CDK19: variants seen among roughly 807,000 people sequenced by gnomAD.
CDK19 encodes cyclin dependent kinase 19.
Under a neutral mutation model 68.3 loss-of-function variants are expected in CDK19, and 20 were observed. The observed-to-expected ratio is 0.29, with a 90% confidence interval of 0.21 to 0.43. CDK19 has a LOEUF of 0.43. Among genes scored for constraint, CDK19 ranks in the 20% least tolerant of loss-of-function variants. The pLI is 1.00. For synonymous variants in CDK19, 221 were observed against 222.8 expected, an observed-to-expected ratio of 0.99 and a Z score of 0.07; for missense variants, 339 against 623.5, an observed-to-expected ratio of 0.54 and a Z score of 4.86.
chr6:110,626,232 G>A (rs1251415777), intron 8 of CDK19, among the ~76,000 whole-genome samples: 2 of 152,098 alleles, frequency 1.3e-5, no homozygotes, highest in African/African-American at 4.8e-5. Flanking sequence ...GCCTAAACCT[G>A]AACTATATAT....
At chr6:110,671,601 A>G (rs549157467) in intron 2 of CDK19, among the ~76,000 whole-genome samples, 4 of 152,356 alleles carry the variant, frequency 2.6e-5, no homozygotes, top group African/African-American at 9.6e-5. Context: ...CCAAAGTCAA[A>G]TAGCTAGAAA....
intron 4 of CDK19, chr6:110,645,838 G>C (rs555199243): frequency 8.2e-6 from 5 of 611,902 alleles, no homozygotes; most frequent in African/African-American, 1.8e-5. Flanking sequence ...GACGCGCCGC[G>C]CTTCCTCCTG....
chr6:110,796,235 G>A (rs1407698352), intron 1 of CDK19, among the ~76,000 whole-genome samples: 1 of 152,120 alleles, frequency 6.6e-6, no homozygotes, highest in African/African-American at 2.4e-5. Flanking sequence ...CTACTTGGGA[G>A]GCTGAGGGAG....
intron 2 of CDK19, among the ~76,000 whole-genome samples, chr6:110,679,618 A>T (rs1207150834): frequency 6.6e-6 from 1 of 152,196 alleles, no homozygotes; most frequent in African/African-American, 2.4e-5. Context: ...CTCTAAAAAC[A>T]TAAAAAATTT....
intron 1 of CDK19, among the ~76,000 whole-genome samples, chr6:110,782,889 A>G (rs1473169030): frequency 6.6e-6 from 1 of 152,046 alleles, no homozygotes; most frequent in Admixed American, 6.6e-5. Flanking sequence ...TTCCTCCACA[A>G]TTTTATACAT....
At chr6:110,626,527 A>G (rs369284435) in intron 8 of CDK19, among the ~76,000 whole-genome samples, 23 of 152,344 alleles carry the variant, frequency 1.5e-4, no homozygotes, top group African/African-American at 4.8e-4. Flanking sequence ...CTTGTAAAAG[A>G]GTAAAAGAGG....
At chr6:110,614,874 T>C (rs1027176172) in intron 12 of CDK19, among the ~76,000 whole-genome samples, 16 of 152,152 alleles carry the variant, frequency 1.1e-4, no homozygotes, top group Non-Finnish European at 2.9e-5. Flanking sequence ...CTGGCAGGCA[T>C]GAAATTTGGC....
intron 2 of CDK19, among the ~76,000 whole-genome samples, chr6:110,697,162 G>A (rs1338248791): frequency 1.3e-5 from 2 of 151,884 alleles, no homozygotes; most frequent in African/African-American, 2.4e-5. Flanking sequence ...CCCGGGAGGC[G>A]GAGGTTACAG....
At chr6:110,707,639 G>A (rs1379581262) in intron 2 of CDK19, among the ~76,000 whole-genome samples, 1 of 152,116 alleles carries the variant, frequency 6.6e-6, no homozygotes, top group Non-Finnish European at 1.5e-5. Context: ...TTTAACAGCT[G>A]CATAGTACTC....
At chr6:110,726,686 T>C (rs544275346) in intron 2 of CDK19, among the ~76,000 whole-genome samples, 7 of 152,250 alleles carry the variant, frequency 4.6e-5, no homozygotes, top group East Asian at 3.9e-4. Context: ...GTGGGAAAGA[T>C]AGATCACTAC....
chr6:110,642,000 T>C (rs1263368083), intron 4 of CDK19, among the ~76,000 whole-genome samples: 1 of 152,122 alleles, frequency 6.6e-6, no homozygotes, highest in East Asian at 1.9e-4. Flanking sequence ...GGGAATAAAA[T>C]ACCAGATTAA....
intron 1 of CDK19, among the ~76,000 whole-genome samples, chr6:110,762,455 G>C (rs1299004565): frequency 6.6e-6 from 1 of 152,132 alleles, no homozygotes; most frequent in Admixed American, 6.6e-5. Flanking sequence ...CTTTTCCATA[G>C]TGTGTGACAT....
At chr6:110,768,679 G>A (rs529506696) in intron 1 of CDK19, among the ~76,000 whole-genome samples, 188 of 152,286 alleles carry the variant, frequency 1.2e-3, no homozygotes, top group Middle Eastern at 3.4e-3. Context: ...AGGCAAAACT[G>A]TAGAGACAGA....
Position 110,631,943 on chromosome 6 carries a change from GTTT to G in CDK19, c.646+84_646+86del, listed in dbSNP as rs903475847. On this transcript the variant is annotated intron_variant, in intron 6 of 12. Transcript: ENST00000368911. Reference sequence around the variant, plus strand: ...GACTTTTACAAAAATGTATAAAATGGTTTTTATCAAGTAGCTTTATTATTATAC... The same window carrying G: ...GACTTTTACAAAAATGTATAAAATGGTTATCAAGTAGCTTTATTATTATAC... The G allele has an allele frequency of 1.5e-5, 19 of 1,258,788 alleles. No individual in the cohort carries two copies. In the African/African-American group the frequency reaches 2.4e-4, roughly 16 times the overall value. The allele number at this position is 1,258,788 out of a possible 1,614,324, so 78.0% of individuals were successfully genotyped here.
At position 110,611,345 on chromosome 6, in the gene CDK19, G is replaced by C. The variant is rs1582662443; in HGVS notation, c.*3190C>G. 6.6e-6 allele frequency: 1 copy of C among 152,218 alleles called. No individual in the cohort carries two copies. The highest frequency in any genetic ancestry group is 2.4e-5 in the African/African-American group (1 of 41,444). 9.4% of individuals were successfully genotyped at this position (152,218 alleles called of 1,614,324 possible). ...CCATAGGCTGAGGGATGCCCCTCCTGTACCCTTGGGGGACATAACAGTATC... is the reference window on the plus strand; with the variant it reads ...CCATAGGCTGAGGGATGCCCCTCCTCTACCCTTGGGGGACATAACAGTATC... On this transcript the variant is annotated 3_prime_UTR_variant, in exon 13 of 13. Transcript: ENST00000368911.
chr6:110,813,478 C>CTAGT (rs1476904362), intron 1 of CDK19: 3 of 152,134 alleles, frequency 2.0e-5, no homozygotes, highest in Non-Finnish European at 4.4e-5. Flanking sequence ...CACAAGAACA[C>CTAGT]TAGTATAACA....
intron 2 of CDK19, among the ~76,000 whole-genome samples, chr6:110,686,457 T>C (rs567947008): frequency 1.6e-4 from 25 of 152,226 alleles, no homozygotes; most frequent in Non-Finnish European, 3.4e-4. Context: ...ATAAAATCCC[T>C]ACTTTATTCT....
intron 1 of CDK19, among the ~76,000 whole-genome samples, chr6:110,756,104 C>A (rs115924579): frequency 1.3e-5 from 2 of 152,014 alleles, no homozygotes; most frequent in East Asian, 1.9e-4. Flanking sequence ...ACTAAAAATA[C>A]GAAATTAGCT....
intron 1 of CDK19, among the ~76,000 whole-genome samples, chr6:110,803,369 G>T (rs952003601): frequency 5.9e-5 from 9 of 152,100 alleles, no homozygotes; most frequent in African/African-American, 2.2e-4. Flanking sequence ...GTGAGCCACC[G>T]CGTCCAGCCT....
Sources: gnomAD v4.1 joint callset for allele counts (sites outside exome capture counted in the v4.1 genomes callset) on GRCh38, gnomAD v4.1.1 for gene constraint, MANE v1.5 for transcripts, NCBI Gene and HGNC (gene_info 2026-07-23, HGNC 2026-07-21) for gene names.